The following ACTN2 variants were observed in gnomAD, a reference collection of about 807,000 sequenced individuals.
ACTN2 encodes alpha-actinin-2.
Under a neutral mutation model 113.8 loss-of-function variants are expected in ACTN2, and 39 were observed. The ratio of observed to expected loss-of-function variants is 0.34; its 90% CI spans 0.27 to 0.45. The LOEUF (loss-of-function observed/expected upper bound fraction) is 0.45, where lower values mean the gene tolerates loss of function less well. ACTN2 is among the 20% of genes least tolerant of loss of function. The probability of loss-of-function intolerance (pLI) is 1.00; values close to 1 mark genes in which losing one functional copy is unlikely to be tolerated. For synonymous variants in ACTN2, 429 were observed against 444.1 expected (o/e 0.97, Z 0.43); for missense variants, 992 against 1,177.9 (o/e 0.84, Z 2.31).
chr1:236,748,022 C>T (rs778722894), intron 13 of ACTN2: 36 of 455,814 alleles, frequency 7.9e-5, no homozygotes, highest in East Asian at 2.6e-4. Flanking sequence ...GATGAGATTA[C>T]GGCATAAATC....
intron 1 of ACTN2, among the ~76,000 whole-genome samples, chr1:236,696,004 G>T (rs554928563): frequency 6.6e-6 from 1 of 152,178 alleles, no homozygotes; most frequent in Non-Finnish European, 1.5e-5. Context: ...GTACAAATAG[G>T]TGAATATGAG....
chr1:236,746,080 G>T (rs552138315), intron 12 of ACTN2, among the ~76,000 whole-genome samples: 1 of 148,856 alleles, frequency 6.7e-6, no homozygotes, highest in East Asian at 2.0e-4. Flanking sequence ...GCAGGAGAAT[G>T]GTGTGAACCC....
intron 1 of ACTN2, among the ~76,000 whole-genome samples, chr1:236,715,986 G>C (rs910737189): frequency 5.3e-5 from 8 of 151,896 alleles, no homozygotes; most frequent in Admixed American, 4.6e-4. Flanking sequence ...AAATAAAGTG[G>C]ATGGCTTAGA....
chr1:236,709,329 T>TATATATATACAC, intron 1 of ACTN2, among the ~76,000 whole-genome samples: 2 of 127,354 alleles, frequency 1.6e-5, no homozygotes, highest in East Asian at 4.5e-4. Flanking sequence ...TATATATACA[T>TATATATATACAC]GTATATATAT....
In ACTN2 at chr1:236,718,834, T is replaced by C. The variant is rs1658297603; in HGVS notation, c.242-60T>C. On this transcript the variant is annotated intron_variant, in intron 2 of 20. Transcript: ENST00000366578. ...AGATGGATGCTTAGTTTTGGCATCT[T>C]GATTCCGCATCAAGAGGTCACTGTC... 1.9e-6 allele frequency: 3 copies of C among 1,612,974 alleles called. No homozygotes were observed. The Admixed American group carries it at 5.0e-5, about 27-fold the overall frequency.
intron 13 of ACTN2, 105 bp downstream of exon 13, chr1:236,747,880 C>G: frequency 1.1e-6 from 1 of 938,752 alleles, no homozygotes; most frequent in South Asian, 1.4e-5. Context: ...AAACAGGTTG[C>G]CTAGTGAAAG....
At chr1:236,697,244 TGAGCTGGG>T (rs1314614749) in intron 1 of ACTN2, among the ~76,000 whole-genome samples, 7 of 152,200 alleles carry the variant, frequency 4.6e-5, no homozygotes, top group Admixed American at 2.0e-4. Context: ...GAGGATGGCT[TGAGCTGGG>T]GAGGTTGAGG....
chr1:236,758,327 C>G (rs1405232227), intron 18 of ACTN2, among the ~76,000 whole-genome samples: 1 of 143,378 alleles, frequency 7.0e-6, no homozygotes, highest in Non-Finnish European at 1.5e-5. Context: ...CGCTCTGTCA[C>G]CAGGCTGGAG....
chr1:236,696,775 C>T (rs531758596), intron 1 of ACTN2, among the ~76,000 whole-genome samples: 124 of 151,974 alleles, frequency 8.2e-4, no homozygotes, highest in African/African-American at 2.9e-3. Flanking sequence ...AAGCGATTCT[C>T]CTACCTCAGC....
Position 236,755,126 on chromosome 1 carries a change from G to A in ACTN2, c.2082G>A (p.Lys694=), listed in dbSNP as rs748034053. ...TCAACTATAAGAACAACATCGACAA[G>A]CTGGAGGGAGACCATCAGCTCATCC... ...NIINYKNNID[K]LEGDHQLIQE... is the part of the protein sequence containing the mutation. Residue 694 remains lysine, a synonymous_variant, in exon 17 of 21, where the codon AAG becomes AAA. Coordinates refer to ENST00000366578, the MANE Select transcript of ACTN2 (RefSeq NM_001103.4). 6.2e-7 allele frequency: 1 copy of A among 1,614,212 alleles called. No homozygotes were observed. Among genetic ancestry groups the A allele is most frequent in the East Asian group, 2.2e-5 (1 of 44,882 alleles).
intron 4 of ACTN2, among the ~76,000 whole-genome samples, chr1:236,723,702 C>T (rs1490181807): frequency 6.6e-6 from 1 of 152,098 alleles, no homozygotes; most frequent in Admixed American, 6.5e-5. Context: ...GGTAATCCAC[C>T]AGCCTCGGCC....
At chr1:236,696,666 ATTTT>A (rs34828949) in intron 1 of ACTN2, among the ~76,000 whole-genome samples, 1 of 129,964 alleles carries the variant, frequency 7.7e-6, no homozygotes. Flanking sequence ...TTGTCCCACT[ATTTT>A]TTTTTTTTTT....
Position 236,729,355 on chromosome 1 carries a change from A to G in ACTN2, c.615+1599A>G, listed in dbSNP as rs116436651. Reference sequence around the variant, plus strand: ...GAAAAGAAAAGAAAGAATGGTGTGTAAAGACTTAAGGGTAAAAGCAAGGCC... The same window carrying G: ...GAAAAGAAAAGAAAGAATGGTGTGTGAAGACTTAAGGGTAAAAGCAAGGCC... On this transcript the variant is annotated intron_variant, in intron 6 of 20. Transcript: ENST00000366578. Among the ~76,000 whole-genome samples the G allele has an allele frequency of 1.8e-3, 268 of 152,218 alleles. 1 individual carries two copies. Among genetic ancestry groups the G allele is most frequent in the African/African-American group, 5.9e-3 (245 of 41,568 alleles).
chr1:236,746,177 A>T (rs1659232468), intron 12 of ACTN2, among the ~76,000 whole-genome samples: 1 of 151,310 alleles, frequency 6.6e-6, no homozygotes, highest in Non-Finnish European at 1.5e-5. Flanking sequence ...AAAAAAAAAA[A>T]AAAAAAGAAA....
At chr1:236,741,888 C>G (rs1279414859) in intron 10 of ACTN2, among the ~76,000 whole-genome samples, 1 of 152,234 alleles carries the variant, frequency 6.6e-6, no homozygotes, top group Non-Finnish European at 1.5e-5. Context: ...TTTCATTATC[C>G]TGGCCTATAA....
rs557857816 is a variant in ACTN2, at chr1:236,758,378, C to T, written c.2301+746C>T. Among the ~76,000 whole-genome samples, 7 of 151,010 alleles carry T rather than the reference C, an allele frequency of 4.6e-5. No individual in the cohort carries two copies. The South Asian group carries it at 8.4e-4, about 18-fold the overall frequency. ...TCGGCTCACTGCAACCTCCGCCTCCCGGGCTCAAGCAATTCTCCTGCCTCA... is the reference window on the plus strand; with the variant it reads ...TCGGCTCACTGCAACCTCCGCCTCCTGGGCTCAAGCAATTCTCCTGCCTCA... On this transcript the variant is annotated intron_variant, in intron 18 of 20. Transcript: ENST00000366578.
intron 1 of ACTN2, among the ~76,000 whole-genome samples, 155 bp downstream of exon 1, chr1:236,686,954 G>GA (rs1435173484): frequency 6.6e-6 from 1 of 152,130 alleles, no homozygotes; most frequent in African/African-American, 2.4e-5. Flanking sequence ...GGCCCCTTAG[G>GA]AAAGAGGACA....
At position 236,736,607 on chromosome 1, in the gene ACTN2, C is replaced by A. The variant is rs973462215; in HGVS notation, c.784-515C>A. 1.6e-5 allele frequency: 25 copies of A among 1,535,344 alleles called. No individual in the cohort carries two copies. Among genetic ancestry groups the A allele is most frequent in the Non-Finnish European group, 2.2e-5 (25 of 1,146,406 alleles). On this transcript the variant is annotated intron_variant, in intron 8 of 20. Coordinates refer to ENST00000366578, the MANE Select transcript of ACTN2 (RefSeq NM_001103.4). Reference sequence around the variant, plus strand: ...TCAGCTCTGTGGAAGGATCCCCCTCCAGAAAGTTCTACATGTTCATATCAG... The same window carrying A: ...TCAGCTCTGTGGAAGGATCCCCCTCAAGAAAGTTCTACATGTTCATATCAG...
chr1:236,744,888 G>A (rs575530236), intron 12 of ACTN2, 112 bp downstream of exon 12: 3 of 1,370,756 alleles, frequency 2.2e-6, no homozygotes, highest in South Asian at 2.5e-5. Context: ...CACGCTGGAG[G>A]CACTCTGTGC....
Sources: allele counts gnomAD v4.1 joint callset (sites outside exome capture counted in the v4.1 genomes callset), GRCh38; gene constraint gnomAD v4.1.1; transcripts MANE v1.5; gene names NCBI Gene and HGNC (gene_info 2026-07-23, HGNC 2026-07-21).